The following XPC variants were observed in gnomAD, a reference collection of about 807,000 sequenced individuals.
XPC encodes the protein XPC complex subunit, DNA damage recognition and repair factor, also known as DNA repair protein complementing XP-C cells.
In XPC, 76 loss-of-function variants were observed where a neutral mutation model predicts 95.8. That is an observed-to-expected ratio of 0.79 (90% CI 0.66 to 0.96). XPC has a LOEUF of 0.96. Among genes scored for constraint, XPC ranks in the 40% least tolerant of loss-of-function variants. The pLI is 0.00. For synonymous variants in XPC, 442 were observed against 442.1 expected (o/e 1.00, Z 0.00); for missense variants, 1,146 against 1,179.8 (o/e 0.97, Z 0.42).
intron 1 of XPC, among the ~76,000 whole-genome samples, chr3:14,175,530 A>G (rs1202610178): frequency 6.6e-6 from 1 of 152,108 alleles, no homozygotes; most frequent in Non-Finnish European, 1.5e-5. Context: ...GTCTTGTTCA[A>G]TATTATCCTA....
chr3:14,148,126 T>G (rs3731165), intron 13 of XPC, 125 bp from the exon 14 acceptor site: 29 of 780,160 alleles, frequency 3.7e-5, no homozygotes, highest in Non-Finnish European at 5.8e-5. Context: ...ATGTCGCGGG[T>G]CAGCCAGTGT....
At chr3:14,173,533 C>T (rs1483765198) in intron 1 of XPC, among the ~76,000 whole-genome samples, 3 of 152,200 alleles carry the variant, frequency 2.0e-5, no homozygotes, top group Admixed American at 2.0e-4. Flanking sequence ...CAAGACCAAA[C>T]TGCTCAAAAC....
Position 14,158,957 on chromosome 3 carries a change from A to G in XPC, c.991-65T>C. 2 of 1,600,286 alleles carry G rather than the reference A, an allele frequency of 1.2e-6. No individual in the cohort carries two copies. Among genetic ancestry groups the G allele is most frequent in the Non-Finnish European group, 1.7e-6 (2 of 1,173,542 alleles). Reference sequence around the variant, plus strand: ...CTCTTTTGCTAATGATATGATAGAAATCCTGTAATCTAATAGGGTTAAGTC... The same window carrying G: ...CTCTTTTGCTAATGATATGATAGAAGTCCTGTAATCTAATAGGGTTAAGTC... On this transcript the variant is annotated intron_variant, in intron 8 of 15. Coordinates refer to ENST00000285021, the MANE Select transcript of XPC (RefSeq NM_004628.5). This position sits in a 1 kb window ranked among gnomAD's most constrained non-coding sequence, Gnocchi z 5.2.
chr3:14,151,512 G>C lies in XPC; in HGVS notation c.2115+823C>G, dbSNP rs545996287. 2.0e-5 allele frequency: 3 copies of C among 152,286 alleles called. No individual in the cohort carries two copies. In the South Asian group the frequency reaches 6.2e-4, roughly 32 times the overall value. 9.4% of individuals were successfully genotyped at this position (152,286 alleles called of 1,614,324 possible). A position where few individuals can be genotyped will look rare whatever the true frequency, so the allele number is the denominator to read the frequency against. ...CAGGGGGCATCGCCCACTCCAGCCTGCTGCTGGCAGTGACTGTGACCAGCG... is the reference window on the plus strand; with the variant it reads ...CAGGGGGCATCGCCCACTCCAGCCTCCTGCTGGCAGTGACTGTGACCAGCG... On this transcript the variant is annotated intron_variant, in intron 11 of 15. Coordinates refer to ENST00000285021, the MANE Select transcript of XPC (RefSeq NM_004628.5).
chr3:14,177,373 G>T (rs958332952), intron 1 of XPC, among the ~76,000 whole-genome samples: 2 of 152,112 alleles, frequency 1.3e-5, no homozygotes, highest in African/African-American at 4.8e-5. Flanking sequence ...TATCCGCGGG[G>T]TATCTGGGAA....
chr3:14,168,249 A>G lies in XPC; in HGVS notation c.536+8T>C. 1.2e-6 allele frequency: 2 copies of G among 1,609,062 alleles called. No homozygotes were observed. The highest frequency in any genetic ancestry group is 1.7e-6 in the Non-Finnish European group (2 of 1,178,160). Reference sequence around the variant, plus strand: ...GACAGGAGCCTAGAAGCAAGGGCCTAAGCTTACCTTCTTTCTCTTGTCTTC... The same window carrying G: ...GACAGGAGCCTAGAAGCAAGGGCCTGAGCTTACCTTCTTTCTCTTGTCTTC... On this transcript the variant is annotated splice_region_variant and intron_variant, in intron 4 of 15. Transcript: ENST00000285021.
chr3:14,147,770 C>T (rs1293124954), intron 14 of XPC, 138 bp downstream of exon 14: 1 of 751,566 alleles, frequency 1.3e-6, no homozygotes, highest in Non-Finnish European at 2.2e-6. Context: ...GTGCTCGCTC[C>T]CTCGGGTGCC....
At position 14,145,926 on chromosome 3, in the gene XPC, T is replaced by A. The variant is rs370340596; in HGVS notation, c.*15A>T. 3.1e-6 allele frequency: 5 copies of A among 1,597,566 alleles called. No homozygotes were observed. In the African/African-American group the frequency reaches 6.7e-5, roughly 21 times the overall value. On this transcript the variant is annotated 3_prime_UTR_variant, in exon 16 of 16. Coordinates refer to ENST00000285021, the MANE Select transcript of XPC (RefSeq NM_004628.5). ...CAGCAGCAACTGGTGGGTGCCCCTC[T>A]AGTGGGCGCTCAGCTCACAGCTGCT...
At chr3:14,165,692 C>T (rs1206309432) in intron 5 of XPC, 107 bp from the exon 6 acceptor site, 2 of 1,336,728 alleles carry the variant, frequency 1.5e-6, no homozygotes, top group African/African-American at 1.5e-5. Flanking sequence ...ATATGTGTTG[C>T]CATTTCTACA....
chr3:14,158,485 C>A lies in XPC; in HGVS notation c.1398G>T (p.Lys466Asn). 1 of 1,612,390 alleles carries A rather than the reference C, an allele frequency of 6.2e-7. No individual in the cohort carries two copies. The change falls in exon 9 of 16, where the codon AAG becomes AAT. Residue 466 changes from lysine (K) to asparagine (N), a missense_variant. Transcript: ENST00000285021. This position sits in a 1 kb window ranked among gnomAD's most constrained non-coding sequence, Gnocchi z 5.2. ...TCTGAGGAGCGGGGGCTTTCCTCTG[C>A]TTTGGAGGGCCAGGTTCGGAATCCT... is the stretch of plus-strand genomic sequence containing the variant. ...SDEDSEPGPP[K>N]QRKAPAPQRT...
At chr3:14,177,458 C>T (rs941962303) in intron 1 of XPC, among the ~76,000 whole-genome samples, 2 of 152,012 alleles carry the variant, frequency 1.3e-5, no homozygotes, top group Non-Finnish European at 2.9e-5. Context: ...CTGGTAAAAG[C>T]CATGGGGGGT....
Position 14,155,242 on chromosome 3 carries a change from G to A in XPC, c.2033+1093C>T, listed in dbSNP as rs1163105167. On this transcript the variant is annotated intron_variant, in intron 10 of 15. Transcript: ENST00000285021. ...CATCCCCAGTGGGAGGACTCAAATC[G>A]CCCACTCTCATGTGGGTTTCCCTAC... 3.9e-5 allele frequency among the ~76,000 whole-genome samples: 6 copies of A among 152,292 alleles called. No homozygotes were observed. In the South Asian group the frequency reaches 8.3e-4, roughly 21 times the overall value.
intron 11 of XPC, among the ~76,000 whole-genome samples, chr3:14,150,472 C>T (rs990949377): frequency 4.6e-5 from 7 of 152,254 alleles, no homozygotes; most frequent in Non-Finnish European, 1.0e-4. Flanking sequence ...TCTGTCACCA[C>T]TTCAGGGACA....
chr3:14,173,000 T>C lies in XPC; in HGVS notation c.166A>G (p.Arg56Gly), dbSNP rs1290300546. ...SLLSKVSQGK[R>G]KRGCSHPGGS... ...CCAGGATGACTGCAGCCTCTTTTCC[T>C]CTTTCCTTGTGAAACTTTGGAGAGA... Residue 56 changes from arginine to glycine, a missense_variant, in exon 2 of 16, where the codon AGG (arginine) becomes GGG (glycine). By Grantham distance (125) the Arg-to-Gly change is moderately radical. Transcript: ENST00000285021. The C allele has an allele frequency of 6.2e-7, 1 of 1,611,660 alleles. No homozygotes were observed. The highest frequency in any genetic ancestry group is 1.1e-5 in the South Asian group (1 of 90,614).
At chr3:14,174,238 T>G (rs1696723414) in intron 1 of XPC, among the ~76,000 whole-genome samples, 3 of 152,214 alleles carry the variant, frequency 2.0e-5, no homozygotes, top group Admixed American at 6.5e-5. Context: ...GGAAAAATTT[T>G]GAAGTACAAA....
In XPC at chr3:14,147,361, G is replaced by A; in HGVS notation, c.2533C>T (p.Leu845=). ...TTGGCCAGCAACTTCCAGTTCCCTAGAGCCCGCTTCTCCTTTTTCTGCAGG... is the reference window on the plus strand; with the variant it reads ...TTGGCCAGCAACTTCCAGTTCCCTAAAGCCCGCTTCTCCTTTTTCTGCAGG... The part of the protein sequence containing the change: ...KEKEKKEKRA[L]GNWKLLAKGL... The change falls in exon 15 of 16, where the codon CTA becomes TTA. Residue 845 remains leucine (L), a synonymous_variant. Transcript: ENST00000285021. 6.2e-7 allele frequency: 1 copy of A among 1,610,578 alleles called. No homozygotes were observed. Among genetic ancestry groups the A allele is most frequent in the Non-Finnish European group, 8.5e-7 (1 of 1,178,532 alleles).
Position 14,170,424 on chromosome 3 carries a change from G to C in XPC, c.412+14C>G, listed in dbSNP as rs1696562345. On this transcript the variant is annotated intron_variant, in intron 3 of 15. Coordinates refer to ENST00000285021, the MANE Select transcript of XPC (RefSeq NM_004628.5). ...AGAACCAAACAGTTCTGAAAACAAA[G>C]AAAGATGTTTCACCTTCAACCTCTT... 1.9e-6 allele frequency: 3 copies of C among 1,610,414 alleles called. No homozygotes were observed. The highest frequency in any genetic ancestry group is 2.5e-6 in the Non-Finnish European group (3 of 1,176,924).
chr3:14,177,556 G>A (rs1195167580), intron 1 of XPC, among the ~76,000 whole-genome samples: 1 of 151,884 alleles, frequency 6.6e-6, no homozygotes, highest in Non-Finnish European at 1.5e-5. Context: ...AATAAGGAGG[G>A]TATCTGGCAA....
At position 14,161,219 on chromosome 3, in the gene XPC, T is replaced by C. The variant is rs114150019; in HGVS notation, c.901-1389A>G. ...AAAACCTCCCAACAAAGAAAATGTC[T>C]AGGACTAGATGACCTCACTGGTGAA... On this transcript the variant is annotated intron_variant, in intron 7 of 15. Coordinates refer to ENST00000285021, the MANE Select transcript of XPC (RefSeq NM_004628.5). Among the ~76,000 whole-genome samples, 317 of 152,246 alleles carry C rather than the reference T, an allele frequency of 2.1e-3. 2 individuals carry two copies. Among genetic ancestry groups the C allele is most frequent in the African/African-American group, 7.4e-3 (307 of 41,540 alleles).
Sources: gnomAD v4.1 joint callset for allele counts (sites outside exome capture counted in the v4.1 genomes callset) on GRCh38, gnomAD v4.1.1 for gene constraint, Gnocchi (gnomAD v3.1) non-coding constraint, MANE v1.5 for transcripts, NCBI Gene and HGNC (gene_info 2026-07-23, HGNC 2026-07-21) for gene names.